Variants in ITPRID1 observed in about 807,000 individuals in gnomAD.
ITPRID1 encodes the protein protein ITPRID1.
Under a neutral mutation model 95.4 loss-of-function variants are expected in ITPRID1, and 96 were observed. That is an observed-to-expected ratio of 1.01 (90% CI 0.85 to 1.19). The LOEUF is 1.19. Among genes scored for constraint, ITPRID1 ranks in the 50% most tolerant of loss-of-function variants. The probability of loss-of-function intolerance (pLI) is 0.00; values close to 1 mark genes in which losing one functional copy is unlikely to be tolerated. For synonymous variants in ITPRID1, 510 were observed against 453.6 expected, an observed-to-expected ratio of 1.12 and a Z score of -1.58; for missense variants, 1,339 against 1,252.9, an observed-to-expected ratio of 1.07 and a Z score of -1.04.
chr7:31,641,040 T>C (rs1421338500), intron 10 of ITPRID1, among the ~76,000 whole-genome samples: 2 of 152,166 alleles, frequency 1.3e-5, no homozygotes, highest in Non-Finnish European at 2.9e-5. Flanking sequence ...GTTGGCCAGC[T>C]CTGAGACTGT....
chr7:31,623,790 G>A (rs2128183016), intron 10 of ITPRID1, among the ~76,000 whole-genome samples: 1 of 151,952 alleles, frequency 6.6e-6, no homozygotes, highest in African/African-American at 2.4e-5. Context: ...GCAGGAGAAG[G>A]AAATAAAGGG....
intron 1 of ITPRID1, among the ~76,000 whole-genome samples, chr7:31,545,189 C>G (rs774072622): frequency 6.6e-6 from 1 of 152,102 alleles, no homozygotes; most frequent in Non-Finnish European, 1.5e-5. Context: ...GAAACAGTGT[C>G]TAGTGAAGAC....
rs147968155 is a variant in ITPRID1, at chr7:31,606,728, G to T, written c.1228+23537G>T. On this transcript the variant is annotated intron_variant, in intron 10 of 14. Transcript: ENST00000615280. ...CATCAGGAAAATTGAAGGGGAAACC[G>T]AAAATTTACATGGAGATGTTGAAAA... Among the ~76,000 whole-genome samples the T allele has an allele frequency of 1.3e-4, 20 of 152,136 alleles. No individual in the cohort carries two copies. The East Asian group carries it at 3.7e-3, about 28-fold the overall frequency.
intron 10 of ITPRID1, among the ~76,000 whole-genome samples, chr7:31,623,372 C>T (rs38355): frequency 0.26 from 39,727 of 151,110 alleles, 5,684 homozygotes; most frequent in Non-Finnish European, 0.32. Context: ...ACTGGCAAAC[C>T]GAATCCAGCA....
chr7:31,588,254 C>T (rs1158745570), intron 10 of ITPRID1, among the ~76,000 whole-genome samples: 2 of 152,010 alleles, frequency 1.3e-5, no homozygotes, highest in Non-Finnish European at 2.9e-5. Flanking sequence ...GAAGGAATGG[C>T]ACTGGGTGAG....
At chr7:31,652,135 A>G in intron 14 of ITPRID1, 85 bp downstream of exon 14, 1 of 1,034,660 alleles carries the variant, frequency 9.7e-7, no homozygotes, top group South Asian at 1.4e-5. Context: ...TTGTGCAATC[A>G]TTTCAGAATC....
Position 31,578,372 on chromosome 7 carries a change from A to G in ITPRID1, c.1108A>G (p.Asn370Asp). Residue 370 changes from asparagine (N) to aspartate (D), a missense_variant, in exon 9 of 15, where the codon AAC becomes GAC. Coordinates refer to ENST00000615280, the MANE Select transcript of ITPRID1 (RefSeq NM_001257967.3). ...TCAGAAGGAGAACTTATTTCAGACT[A>G]ACAAGCTCAAGAGCTTGTCTCATCT... ...RTQKENLFQT[N>D]KLKSLSHLAG... The G allele has an allele frequency of 6.2e-7, 1 of 1,613,718 alleles. No homozygotes were observed. The highest frequency in any genetic ancestry group is 8.5e-7 in the Non-Finnish European group (1 of 1,179,768).
chr7:31,636,582 C>T (rs1376970416), intron 10 of ITPRID1, among the ~76,000 whole-genome samples: 1 of 152,012 alleles, frequency 6.6e-6, no homozygotes, highest in South Asian at 2.1e-4. Flanking sequence ...CTTTGGTTCC[C>T]CTAATGCCTA....
chr7:31,527,520 C>T (rs570241317), intron 1 of ITPRID1, among the ~76,000 whole-genome samples: 1 of 152,170 alleles, frequency 6.6e-6, no homozygotes, highest in South Asian at 2.1e-4. Flanking sequence ...GGTTTTCAAT[C>T]TCACCTTTTG....
intron 6 of ITPRID1, among the ~76,000 whole-genome samples, chr7:31,570,756 C>G (rs979674428): frequency 6.6e-6 from 1 of 152,122 alleles, no homozygotes; most frequent in Non-Finnish European, 1.5e-5. Context: ...TGTATTGGTT[C>G]TCCTTGGATC....
intron 6 of ITPRID1, among the ~76,000 whole-genome samples, chr7:31,571,324 C>T (rs942726993): frequency 6.6e-5 from 10 of 152,130 alleles, no homozygotes; most frequent in Admixed American, 1.3e-4. Context: ...CATGCCTGGC[C>T]CAGCTATTCT....
chr7:31,636,337 A>G (rs952834119), intron 10 of ITPRID1, among the ~76,000 whole-genome samples: 3 of 152,228 alleles, frequency 2.0e-5, no homozygotes, highest in African/African-American at 7.2e-5. Flanking sequence ...GTTCTAACGT[A>G]TAATTTCATC....
At chr7:31,633,695 T>C (rs1789223572) in intron 10 of ITPRID1, among the ~76,000 whole-genome samples, 1 of 152,296 alleles carries the variant, frequency 6.6e-6, no homozygotes, top group East Asian at 1.9e-4. Flanking sequence ...GCTAACTTGC[T>C]TGGTGACTCA....
In ITPRID1 at chr7:31,630,612, C is replaced by T. The variant is rs553497081; in HGVS notation, c.1229-11564C>T. 7.9e-5 allele frequency among the ~76,000 whole-genome samples: 12 copies of T among 151,982 alleles called. No homozygotes were observed. The East Asian group carries it at 1.7e-3, about 22-fold the overall frequency. Reference sequence around the variant, plus strand: ...TCAGAACAACAGGGAAGATCTGCATCGAGTATGTCACATATTTACCAATCA... The same window carrying T: ...TCAGAACAACAGGGAAGATCTGCATTGAGTATGTCACATATTTACCAATCA... On this transcript the variant is annotated intron_variant, in intron 10 of 14. Transcript: ENST00000615280.
intron 10 of ITPRID1, among the ~76,000 whole-genome samples, chr7:31,585,171 C>A (rs904954308): frequency 6.6e-6 from 1 of 152,186 alleles, no homozygotes; most frequent in Admixed American, 6.5e-5. Flanking sequence ...CCACACCGAG[C>A]TGGCCAGCCC....
intron 1 of ITPRID1, among the ~76,000 whole-genome samples, chr7:31,541,246 A>G (rs1481922526): frequency 1.3e-5 from 2 of 152,214 alleles, no homozygotes; most frequent in Non-Finnish European, 2.9e-5. Context: ...CCAGTCTCCT[A>G]TTAGTTCAGT....
chr7:31,648,544 T>G lies in ITPRID1; in HGVS notation c.2584-2598T>G, dbSNP rs1303927086. Among the ~76,000 whole-genome samples, 6 of 152,134 alleles carry G rather than the reference T, an allele frequency of 3.9e-5. No homozygotes were observed. The East Asian group carries it at 1.2e-3, about 29-fold the overall frequency. Reference sequence around the variant, plus strand: ...TCCACCATTCTCAGAGAGCAAACACTCCATCAGTTATTCCCAAACCAAAAC... The same window carrying G: ...TCCACCATTCTCAGAGAGCAAACACGCCATCAGTTATTCCCAAACCAAAAC... On this transcript the variant is annotated intron_variant, in intron 12 of 14. Coordinates refer to ENST00000615280, the MANE Select transcript of ITPRID1 (RefSeq NM_001257967.3).
At chr7:31,534,638 CTCTG>C (rs1435947957) in intron 1 of ITPRID1, among the ~76,000 whole-genome samples, 2 of 152,076 alleles carry the variant, frequency 1.3e-5, no homozygotes, top group Admixed American at 6.6e-5. Context: ...TTCAACGTCT[CTCTG>C]TGTCTGTCTA....
chr7:31,592,016 C>G (rs1259410076), intron 10 of ITPRID1, among the ~76,000 whole-genome samples: 1 of 152,120 alleles, frequency 6.6e-6, no homozygotes, highest in Non-Finnish European at 1.5e-5. Context: ...TTTCAAATAT[C>G]TCATTAGCAA....
Sources: gnomAD v4.1 joint callset for allele counts (sites outside exome capture counted in the v4.1 genomes callset) on GRCh38, gnomAD v4.1.1 for gene constraint, MANE v1.5 for transcripts, NCBI Gene and HGNC (gene_info 2026-07-23, HGNC 2026-07-21) for gene names.